The following DLGAP5 variants were observed in gnomAD, a reference collection of about 807,000 sequenced individuals.
DLGAP5 encodes the protein disks large-associated protein 5.
In DLGAP5, 90 loss-of-function variants were observed where a neutral mutation model predicts 99.6. The observed-to-expected ratio is 0.90, with a 90% CI of 0.76 to 1.08. DLGAP5 has a LOEUF of 1.08. Among genes scored for constraint, DLGAP5 ranks in the 50% least tolerant of loss-of-function variants. The pLI, the probability that DLGAP5 is intolerant of heterozygous loss-of-function variation, is 0.00. For synonymous variants in DLGAP5, 311 were observed against 321.3 expected (o/e 0.97, Z 0.34); for missense variants, 1,036 against 983.5 (o/e 1.05, Z -0.71).
intron 4 of DLGAP5, 39 bp from the exon 5 acceptor site, chr14:55,181,336 A>G (rs1278420148): frequency 6.6e-7 from 1 of 1,518,878 alleles, no homozygotes; most frequent in Middle Eastern, 1.7e-4. Flanking sequence ...TTAATTGCAT[A>G]ATGAATCAGA....
At chr14:55,159,567 AAG>A (rs1307141620) in intron 13 of DLGAP5, among the ~76,000 whole-genome samples, 1 of 152,234 alleles carries the variant, frequency 6.6e-6, no homozygotes, top group African/African-American at 2.4e-5. Flanking sequence ...GATATCTCAA[AAG>A]AGATATTGAG....
intron 15 of DLGAP5, among the ~76,000 whole-genome samples, chr14:55,153,067 T>G: frequency 6.6e-6 from 1 of 152,202 alleles, no homozygotes; most frequent in East Asian, 1.9e-4. Context: ...GCTAAGAAAC[T>G]TGACTTCAAT....
chr14:55,171,467 T>C lies in DLGAP5; in HGVS notation c.1302-680A>G, dbSNP rs564428256. 5.9e-5 allele frequency among the ~76,000 whole-genome samples: 9 copies of C among 152,332 alleles called. No homozygotes were observed. The East Asian group carries it at 9.6e-4, about 16-fold the overall frequency. On this transcript the variant is annotated intron_variant, in intron 10 of 18. Coordinates refer to ENST00000247191, the MANE Select transcript of DLGAP5 (RefSeq NM_014750.5). ...CTAAAAGAAGTTTAATTTGTGTCTATGGAAAAAGTATCCTAGCATGTAGAG... is the reference window on the plus strand; with the variant it reads ...CTAAAAGAAGTTTAATTTGTGTCTACGGAAAAAGTATCCTAGCATGTAGAG...
intron 13 of DLGAP5, among the ~76,000 whole-genome samples, chr14:55,161,698 CTG>C (rs1338547144): frequency 6.6e-6 from 1 of 150,932 alleles, no homozygotes. Flanking sequence ...ACGTGAACCA[CTG>C]TGCCTGGCCT....
At chr14:55,183,487 T>TAC in intron 3 of DLGAP5, 73 bp downstream of exon 3, 1 of 1,273,122 alleles carries the variant, frequency 7.9e-7, no homozygotes, top group South Asian at 1.7e-5. Flanking sequence ...GGGAAAGGGG[T>TAC]TAGTCACTTA....
chr14:55,165,870 T>A (rs1023005855), intron 12 of DLGAP5, among the ~76,000 whole-genome samples: 1 of 152,184 alleles, frequency 6.6e-6, no homozygotes, highest in African/African-American at 2.4e-5. Context: ...GCAAGACTGC[T>A]GATAAGGGGG....
chr14:55,178,859 C>T (rs60342915), intron 7 of DLGAP5, among the ~76,000 whole-genome samples: 4,035 of 152,122 alleles, frequency 0.027, 170 homozygotes, highest in African/African-American at 0.093. Flanking sequence ...CCAGCCTGGC[C>T]AACATGGTGA....
rs959447350 is a variant in DLGAP5, at chr14:55,189,147, C to T, written c.33G>A (p.Arg11=). The T allele has an allele frequency of 5.6e-6, 9 of 1,613,308 alleles. No homozygotes were observed. Among genetic ancestry groups the T allele is most frequent in the East Asian group, 2.2e-5 (1 of 44,834 alleles). ...TAATCATTTCAGTACTTATATCCTT[C>T]CTGTGTCGACTGGCAAAATGTGATG... MSSSHFASRH[R]KDISTEMIRT... Residue 11 remains arginine (R), a synonymous_variant, in exon 2 of 19, where the codon AGG becomes AGA. Coordinates refer to ENST00000247191, the MANE Select transcript of DLGAP5 (RefSeq NM_014750.5).
At position 55,150,847 on chromosome 14, in the gene DLGAP5, T is replaced by C. The variant is rs1295358198; in HGVS notation, c.2370A>G (p.Glu790=). 6.4e-7 allele frequency: 1 copy of C among 1,571,558 alleles called. No individual in the cohort carries two copies. The highest frequency in any genetic ancestry group is 8.6e-7 in the Non-Finnish European group (1 of 1,165,090). The change falls in exon 18 of 19, where the codon GAA becomes GAG. Residue 790 remains glutamate, a splice_region_variant and synonymous_variant. Coordinates refer to ENST00000247191, the MANE Select transcript of DLGAP5 (RefSeq NM_014750.5). ...TAGTGAGACTTTTATTATCAAATAG[T>C]TCTGAAAAACAACAAAAAAAAACTT... The part of the protein sequence containing the change: ...EEGETKISQS[E]LFDNKSLTTE...
chr14:55,172,230 T>C (rs1255369381), intron 10 of DLGAP5, among the ~76,000 whole-genome samples: 1 of 150,724 alleles, frequency 6.6e-6, no homozygotes, highest in Non-Finnish European at 1.5e-5. Flanking sequence ...ATGCCTGTAA[T>C]TCCAGCCAGC....
Position 55,151,708 on chromosome 14 carries a change from T to G in DLGAP5, c.2355A>C (p.Lys785Asn). The G allele has an allele frequency of 6.2e-7, 1 of 1,612,652 alleles. No homozygotes were observed. Among genetic ancestry groups the G allele is most frequent in the African/African-American group, 1.3e-5 (1 of 74,874 alleles). ...QNSILEEGETKISQSELFDNK... is the reference protein window; with the variant it reads ...QNSILEEGETNISQSELFDNK... ...TAAATATCTCACCTGACTGAGAAATTTTAGTTTCCCCTTCTTCTAAGATGC... is the reference window on the plus strand; with the variant it reads ...TAAATATCTCACCTGACTGAGAAATGTTAGTTTCCCCTTCTTCTAAGATGC... Residue 785 changes from lysine to asparagine, a missense_variant, in exon 17 of 19, where the codon AAA becomes AAC. Physicochemically the swap from Lys to Asn is moderately conservative, Grantham distance 94. Coordinates refer to ENST00000247191, the MANE Select transcript of DLGAP5 (RefSeq NM_014750.5).
At position 55,177,298 on chromosome 14, in the gene DLGAP5, C is replaced by A; in HGVS notation, c.813G>T (p.Leu271Phe). ...SCKVDSEENT[L>F]NSQTNATSGM... ...CACTTGTTGCATTAGTTTGTGAATT[C>A]AAAGTATTTTCTTCACTATCGACTT... Residue 271 changes from leucine (L) to phenylalanine (F), a missense_variant, in exon 8 of 19, where the codon TTG becomes TTT. By Grantham distance (22) the Leu-to-Phe change is conservative. Transcript: ENST00000247191. The A allele has an allele frequency of 6.2e-7, 1 of 1,607,190 alleles. No homozygotes were observed. Among genetic ancestry groups the A allele is most frequent in the Non-Finnish European group, 8.5e-7 (1 of 1,177,772 alleles).
intron 12 of DLGAP5, among the ~76,000 whole-genome samples, chr14:55,168,941 C>T (rs1323095580): frequency 1.3e-5 from 2 of 152,154 alleles, no homozygotes; most frequent in African/African-American, 2.4e-5. Context: ...CTTTGGGAGG[C>T]CGAGGTGGGT....
At chr14:55,187,564 G>A (rs1333054984) in intron 2 of DLGAP5, among the ~76,000 whole-genome samples, 7 of 151,710 alleles carry the variant, frequency 4.6e-5, no homozygotes, top group Non-Finnish European at 7.4e-5. Context: ...CCATCCACCC[G>A]CCTTGGCCTC....
chr14:55,181,669 T>C (rs1306654468), intron 4 of DLGAP5, among the ~76,000 whole-genome samples: 1 of 152,178 alleles, frequency 6.6e-6, no homozygotes, highest in Non-Finnish European at 1.5e-5. Context: ...GGTTCTCTTC[T>C]CCACTTCCAT....
chr14:55,187,956 T>C (rs755501658), intron 2 of DLGAP5, among the ~76,000 whole-genome samples: 4 of 152,282 alleles, frequency 2.6e-5, no homozygotes, highest in Non-Finnish European at 5.9e-5. Flanking sequence ...CACTAAAACA[T>C]ATCAGGCACA....
chr14:55,148,611 C>G, intron 18 of DLGAP5, 138 bp from the exon 19 acceptor site: 1 of 1,533,484 alleles, frequency 6.5e-7, no homozygotes, highest in Non-Finnish European at 8.7e-7. Context: ...CCCAGCTACT[C>G]GGGAGGCTGA....
intron 10 of DLGAP5, 87 bp downstream of exon 10, chr14:55,175,259 C>A: frequency 8.1e-7 from 1 of 1,230,364 alleles, no homozygotes. Flanking sequence ...TTTTCCCCCA[C>A]TATATTAAGG....
intron 7 of DLGAP5, among the ~76,000 whole-genome samples, chr14:55,179,015 C>G (rs112250637): frequency 6.6e-6 from 1 of 151,680 alleles, no homozygotes; most frequent in South Asian, 2.1e-4. Flanking sequence ...CCATTGCACT[C>G]GAGCCTGGGC....
Sources: allele counts gnomAD v4.1 joint callset (sites outside exome capture counted in the v4.1 genomes callset), GRCh38; gene constraint gnomAD v4.1.1; transcripts MANE v1.5; gene names NCBI Gene and HGNC (gene_info 2026-07-23, HGNC 2026-07-21).